Variants in ERC2 observed in about 807,000 individuals in gnomAD.
ERC2 encodes the protein ERC protein 2.
Under a neutral mutation model 114.8 loss-of-function variants are expected in ERC2, and 42 were observed. The ratio of observed to expected loss-of-function variants is 0.37; its 90% CI spans 0.29 to 0.47. The LOEUF (loss-of-function observed/expected upper bound fraction) is 0.47. Ranked by LOEUF, ERC2 falls within the 20% of genes least tolerant of loss-of-function variation. The probability of loss-of-function intolerance (pLI) is 0.99; values close to 1 mark genes in which losing one functional copy is unlikely to be tolerated. For missense variants in ERC2, 939 were observed against 1,150.7 expected (o/e 0.82, Z 2.66); for synonymous variants, 454 against 425.5 (o/e 1.07, Z -0.82).
At chr3:55,815,082 G>A (rs2059859198) in intron 14 of ERC2, among the ~76,000 whole-genome samples, 12 of 152,078 alleles carry the variant, frequency 7.9e-5, no homozygotes, top group Admixed American at 7.9e-4. Flanking sequence ...AGCTCCAAAA[G>A]GCAAACTCTT....
At chr3:55,548,674 G>A (rs2054929990) in intron 17 of ERC2, among the ~76,000 whole-genome samples, 4 of 152,216 alleles carry the variant, frequency 2.6e-5, no homozygotes, top group African/African-American at 9.6e-5. Flanking sequence ...AAAGCTGGGT[G>A]TCCTTCGATG....
At chr3:56,342,494 T>C (rs1202177034) in intron 2 of ERC2, among the ~76,000 whole-genome samples, 3 of 152,232 alleles carry the variant, frequency 2.0e-5, no homozygotes, top group African/African-American at 4.8e-5. Flanking sequence ...CATTTGAAAA[T>C]TGACCATAAC....
At chr3:55,683,772 G>A (rs1332465516) in intron 17 of ERC2, 22 bp downstream of exon 17, 2 of 1,581,604 alleles carry the variant, frequency 1.3e-6, no homozygotes, top group African/African-American at 1.4e-5. Flanking sequence ...TAATAAAAAT[G>A]ATATAAAAGA....
At chr3:55,650,553 C>T (rs1298541555) in intron 17 of ERC2, among the ~76,000 whole-genome samples, 4 of 152,182 alleles carry the variant, frequency 2.6e-5, no homozygotes, top group African/African-American at 9.7e-5. Context: ...CTTATTTGTT[C>T]ATTTATCTGC....
At chr3:56,123,339 A>AG (rs2079689440) in intron 6 of ERC2, among the ~76,000 whole-genome samples, 1 of 152,006 alleles carries the variant, frequency 6.6e-6, no homozygotes, top group South Asian at 2.1e-4. Context: ...CTTTCATGTG[A>AG]GGACACAGCA....
intron 12 of ERC2, among the ~76,000 whole-genome samples, chr3:55,956,197 T>C (rs1335992542): frequency 3.3e-5 from 5 of 152,292 alleles, no homozygotes; most frequent in African/African-American, 4.8e-5. Flanking sequence ...CATTATTGAA[T>C]GCTTTATGTC....
At chr3:56,458,190 A>G (rs1435396733) in intron 1 of ERC2, among the ~76,000 whole-genome samples, 1 of 152,246 alleles carries the variant, frequency 6.6e-6, no homozygotes, top group Non-Finnish European at 1.5e-5. Context: ...TAACTAATAA[A>G]ATGATAATTA....
chr3:55,976,085 A>C (rs1194661894), intron 12 of ERC2, among the ~76,000 whole-genome samples: 2 of 152,126 alleles, frequency 1.3e-5, no homozygotes, highest in Non-Finnish European at 2.9e-5. Flanking sequence ...CATCTAAAAC[A>C]CAGCCTGGCC....
At chr3:56,409,999 G>C (rs2060881583) in intron 2 of ERC2, among the ~76,000 whole-genome samples, 1 of 152,186 alleles carries the variant, frequency 6.6e-6, no homozygotes, top group African/African-American at 2.4e-5. Flanking sequence ...GTTGTGGGCA[G>C]ACCTGAGACT....
chr3:56,179,058 TAAAA>T (rs34820943), intron 3 of ERC2, among the ~76,000 whole-genome samples: 5 of 132,486 alleles, frequency 3.8e-5, no homozygotes, highest in Non-Finnish European at 6.4e-5. Context: ...GTTGATGAGC[TAAAA>T]AAAAAAAAAA....
intron 10 of ERC2, among the ~76,000 whole-genome samples, chr3:55,999,815 G>C (rs1405260917): frequency 1.3e-5 from 2 of 151,296 alleles, no homozygotes; most frequent in Non-Finnish European, 3.0e-5. Context: ...TTATTTTATA[G>C]ATTAAATATA....
At chr3:56,174,841 A>G (rs1446091774) in intron 3 of ERC2, among the ~76,000 whole-genome samples, 1 of 152,046 alleles carries the variant, frequency 6.6e-6, no homozygotes, top group African/African-American at 2.4e-5. Flanking sequence ...AGCTGGGCAT[A>G]GTGGCGTGTG....
intron 14 of ERC2, among the ~76,000 whole-genome samples, chr3:55,862,799 TC>T (rs1469040683): frequency 6.6e-6 from 1 of 152,158 alleles, no homozygotes; most frequent in African/African-American, 2.4e-5. Flanking sequence ...TGCAGCAGGA[TC>T]ACACAACACA....
intron 14 of ERC2, among the ~76,000 whole-genome samples, chr3:55,779,242 G>A (rs866474127): frequency 1.3e-5 from 2 of 151,034 alleles, no homozygotes; most frequent in Non-Finnish European, 2.9e-5. Context: ...AGCACTTTGG[G>A]AGGCCGAGGA....
intron 2 of ERC2, among the ~76,000 whole-genome samples, chr3:56,380,256 A>C (rs1282394588): frequency 6.6e-6 from 1 of 152,254 alleles, no homozygotes; most frequent in Non-Finnish European, 1.5e-5. Flanking sequence ...GTGGTTGGGC[A>C]GCTGACCTGA....
chr3:56,416,190 T>C (rs2061147652), intron 2 of ERC2, among the ~76,000 whole-genome samples: 1 of 152,294 alleles, frequency 6.6e-6, no homozygotes, highest in South Asian at 2.1e-4. Context: ...TACCAAGCAG[T>C]CTTTTTAGGT....
intron 15 of ERC2, among the ~76,000 whole-genome samples, chr3:55,733,646 C>T (rs561096810): frequency 5.1e-4 from 77 of 152,172 alleles, no homozygotes; most frequent in African/African-American, 1.7e-3. Flanking sequence ...AACTCTGGTG[C>T]AGGGTCAATG....
At chr3:56,131,872 T>C (rs2080220994) in intron 6 of ERC2, among the ~76,000 whole-genome samples, 1 of 152,174 alleles carries the variant, frequency 6.6e-6, no homozygotes, top group South Asian at 2.1e-4. Flanking sequence ...TGATAAACAT[T>C]TGTGGTGACA....
At chr3:55,895,575 C>T (rs948355253) in intron 13 of ERC2, among the ~76,000 whole-genome samples, 8 of 152,186 alleles carry the variant, frequency 5.3e-5, no homozygotes, top group Non-Finnish European at 8.8e-5. Flanking sequence ...CCATTCTGCA[C>T]AATATGTATG....
Sources: allele counts gnomAD v4.1 joint callset (sites outside exome capture counted in the v4.1 genomes callset), GRCh38; gene constraint gnomAD v4.1.1; transcripts MANE v1.5; gene names NCBI Gene and HGNC (gene_info 2026-07-23, HGNC 2026-07-21).